Variants in SLC6A7 observed in about 807,000 individuals in gnomAD.
SLC6A7 encodes sodium-dependent proline transporter.
SLC6A7 carries 58 observed loss-of-function variants against 73.1 expected under a neutral mutation model. That is an observed-to-expected ratio of 0.79 (90% CI 0.64 to 0.99). The LOEUF (loss-of-function observed/expected upper bound fraction) is 0.99, where lower values mean the gene tolerates loss of function less well. SLC6A7 is among the 50% of genes least tolerant of loss of function. SLC6A7 has a pLI of 0.00. For missense variants in SLC6A7, 783 were observed against 831.4 expected (o/e 0.94, Z 0.72); for synonymous variants, 338 against 338.7 (o/e 1.00, Z 0.02).
In SLC6A7 at chr5:150,199,212, C is replaced by T. The variant is rs11745084; in HGVS notation, c.585-16C>T. 1.9e-6 allele frequency: 3 copies of T among 1,577,626 alleles called. No homozygotes were observed. The South Asian group carries it at 3.5e-5, about 18-fold the overall frequency. On this transcript the variant is annotated splice_polypyrimidine_tract_variant and intron_variant, in intron 4 of 13. Coordinates refer to ENST00000230671, the MANE Select transcript of SLC6A7 (RefSeq NM_014228.5). ...GTGGGGTGACCAGGGGACACTGAGACCTTTGTCTCCCACAGCCGCTACGTC... is the reference window on the plus strand; with the variant it reads ...GTGGGGTGACCAGGGGACACTGAGATCTTTGTCTCCCACAGCCGCTACGTC...
chr5:150,204,836 G>T lies in SLC6A7; in HGVS notation c.1442G>T (p.Arg481Met). 2 of 1,611,920 alleles carry T rather than the reference G, an allele frequency of 1.2e-6. No individual in the cohort carries two copies. Among genetic ancestry groups the T allele is most frequent in the Non-Finnish European group, 1.7e-6 (2 of 1,178,162 alleles). The change falls in exon 12 of 14, where the codon AGG (arginine) becomes ATG (methionine). Residue 481 changes from arginine to methionine, a missense_variant. By Grantham distance (91) the Arg-to-Met change is moderately conservative. Coordinates refer to ENST00000230671, the MANE Select transcript of SLC6A7 (RefSeq NM_014228.5). ...LAVTRVYGIQ[R>M]FCRDIHMMLG... Reference sequence around the variant, plus strand: ...CCCCTCCCCTGTGCAGGCATTCAGAGGTTCTGCCGAGACATCCACATGATG... The same window carrying T: ...CCCCTCCCCTGTGCAGGCATTCAGATGTTCTGCCGAGACATCCACATGATG...
At chr5:150,191,573 G>T (rs1014425696) in intron 1 of SLC6A7, among the ~76,000 whole-genome samples, 3 of 152,018 alleles carry the variant, frequency 2.0e-5, no homozygotes, top group African/African-American at 7.2e-5. Flanking sequence ...TGGGACTATA[G>T]GCGCCCGCCA....
chr5:150,200,578 T>C (rs948813493), intron 5 of SLC6A7, among the ~76,000 whole-genome samples: 4 of 152,158 alleles, frequency 2.6e-5, no homozygotes, highest in African/African-American at 9.7e-5. Flanking sequence ...CTCTGCAAGG[T>C]GCAGACGATA....
intron 1 of SLC6A7, among the ~76,000 whole-genome samples, chr5:150,192,637 C>T (rs1486030421): frequency 3.3e-5 from 5 of 152,214 alleles, no homozygotes; most frequent in Non-Finnish European, 5.9e-5. Context: ...AGGACCCTAT[C>T]TCCTGCCCCT....
At position 150,205,680 on chromosome 5, in the gene SLC6A7, G is replaced by A; in HGVS notation, c.1701+57G>A. On this transcript the variant is annotated intron_variant, in intron 13 of 13. Coordinates refer to ENST00000230671, the MANE Select transcript of SLC6A7 (RefSeq NM_014228.5). ...TTCCTGACCTGTGGCCTGACCCTAG[G>A]TCCCCCTGCTAGAACAGAAAACATA... The A allele has an allele frequency of 2.7e-6, 4 of 1,468,916 alleles. No individual in the cohort carries two copies. The South Asian group carries it at 3.8e-5, about 14-fold the overall frequency. The allele number at this position is 1,468,916 out of a possible 1,614,324, so 91.0% of individuals were successfully genotyped here.
Position 150,190,191 on chromosome 5 carries a change from C to A in SLC6A7, c.-137C>A. 1.6e-6 allele frequency: 1 copy of A among 641,544 alleles called. No individual in the cohort carries two copies. The highest frequency in any genetic ancestry group is 2.5e-6 in the Non-Finnish European group (1 of 403,990). The allele number at this position is 641,544 out of a possible 1,614,324, so 39.7% of individuals were successfully genotyped here. A position where few individuals can be genotyped will look rare whatever the true frequency, so the allele number is the denominator to read the frequency against. On this transcript the variant is annotated 5_prime_UTR_variant, in exon 1 of 14. Coordinates refer to ENST00000230671, the MANE Select transcript of SLC6A7 (RefSeq NM_014228.5). Reference sequence around the variant, plus strand: ...CTCCACGCCCGCAGCCGCCAGACGGCAGCGCCTGCGTCCGTGCCCGCCCCA... The same window carrying A: ...CTCCACGCCCGCAGCCGCCAGACGGAAGCGCCTGCGTCCGTGCCCGCCCCA...
At chr5:150,192,247 C>T (rs1752822864) in intron 1 of SLC6A7, among the ~76,000 whole-genome samples, 1 of 152,118 alleles carries the variant, frequency 6.6e-6, no homozygotes, top group South Asian at 2.1e-4. Flanking sequence ...CTTCCTGAAA[C>T]TTGGTTTCCT....
At chr5:150,198,969 A>G (rs552339134) in intron 4 of SLC6A7, among the ~76,000 whole-genome samples, 1 of 152,012 alleles carries the variant, frequency 6.6e-6, no homozygotes, top group South Asian at 2.1e-4. Flanking sequence ...GCTGAAGAGG[A>G]AGGAAGAAGA....
chr5:150,192,825 G>T (rs3776086), intron 1 of SLC6A7, among the ~76,000 whole-genome samples: 3,989 of 152,310 alleles, frequency 0.026, 85 homozygotes, highest in East Asian at 0.12. Flanking sequence ...CTGCTAACTG[G>T]CCTGAATGGT....
At position 150,209,732 on chromosome 5, in the gene SLC6A7, A is replaced by T; in HGVS notation, c.*117A>T. 1 of 838,064 alleles carries T rather than the reference A, an allele frequency of 1.2e-6. No homozygotes were observed. The highest frequency in any genetic ancestry group is 1.9e-6 in the Non-Finnish European group (1 of 517,708). 51.9% of individuals were successfully genotyped at this position (838,064 alleles called of 1,614,324 possible). A position where few individuals can be genotyped will look rare whatever the true frequency, so the allele number is the denominator to read the frequency against. On this transcript the variant is annotated 3_prime_UTR_variant, in exon 14 of 14. Transcript: ENST00000230671. ...GAGAGGCTATGGGGGGGCCTGCCATAGGGATGCCAGTCCCCCAGTGGGGGT... is the reference window on the plus strand; with the variant it reads ...GAGAGGCTATGGGGGGGCCTGCCATTGGGATGCCAGTCCCCCAGTGGGGGT...
At chr5:150,202,489 G>A (rs1231086412) in intron 7 of SLC6A7, 39 bp downstream of exon 7, 3 of 1,610,178 alleles carry the variant, frequency 1.9e-6, no homozygotes, top group Non-Finnish European at 2.5e-6. Context: ...GGGGTCCAAA[G>A]CAGGGAGGAG....
At chr5:150,199,188 T>C (rs199836993) in intron 4 of SLC6A7, 40 bp from the exon 5 acceptor site, 1 of 1,539,856 alleles carries the variant, frequency 6.5e-7, no homozygotes, top group Non-Finnish European at 8.8e-7. Context: ...TGGAGCCTGG[T>C]GGGGTGACCA....
chr5:150,205,402 CTTAAG>C, intron 12 of SLC6A7, 49 bp from the exon 13 acceptor site: 1 of 1,349,692 alleles, frequency 7.4e-7, no homozygotes, highest in Middle Eastern at 1.9e-4. Flanking sequence ...TACCTCGGGC[CTTAAG>C]CAGTTTAGAC....
At chr5:150,205,754 G>A in intron 13 of SLC6A7, 131 bp downstream of exon 13, 1 of 777,650 alleles carries the variant, frequency 1.3e-6, no homozygotes, top group Admixed American at 2.8e-5. Context: ...GACTTGCCTG[G>A]GCTGAGGCAG....
At position 150,203,986 on chromosome 5, in the gene SLC6A7, C is replaced by T. The variant is rs199939134; in HGVS notation, c.1280C>T (p.Ser427Leu). The change falls in exon 10 of 14, where the codon TCA (serine) becomes TTA (leucine). Residue 427 changes from serine to leucine, a missense_variant. Ser to Leu is a moderately radical substitution (Grantham distance 145). Transcript: ENST00000230671. ...YYLRPKKAVF[S>L]GLICVAMYLM... is the part of the protein sequence containing the mutation. ...CTGCGGCCCAAGAAGGCGGTGTTCT[C>T]AGGGCTCATCTGCGTGGCCATGTAC... The T allele has an allele frequency of 1.9e-6, 3 of 1,613,846 alleles. No individual in the cohort carries two copies. The highest frequency in any genetic ancestry group is 2.5e-6 in the Non-Finnish European group (3 of 1,179,892).
chr5:150,193,329 C>T (rs544367102), intron 1 of SLC6A7, among the ~76,000 whole-genome samples: 2 of 152,316 alleles, frequency 1.3e-5, no homozygotes, highest in Admixed American at 6.5e-5. Flanking sequence ...AGCTGGCCTC[C>T]GCTCCCCTCT....
At chr5:150,207,885 C>T (rs952333738) in intron 13 of SLC6A7, among the ~76,000 whole-genome samples, 14 of 151,584 alleles carry the variant, frequency 9.2e-5, no homozygotes, top group Non-Finnish European at 1.5e-5. Context: ...GTGATTTTGC[C>T]CTTGGGGGAC....
intron 4 of SLC6A7, among the ~76,000 whole-genome samples, chr5:150,198,117 G>GAAAGAAAGAAAGAA (rs1753167372): frequency 5.2e-5 from 3 of 57,562 alleles, no homozygotes; most frequent in Admixed American, 3.4e-4. Context: ...GAAAGAAAGA[G>GAAAGAAAGAAAGAA]AAAGAAAGAA....
chr5:150,192,397 C>A (rs1752828182), intron 1 of SLC6A7, among the ~76,000 whole-genome samples: 1 of 152,228 alleles, frequency 6.6e-6, no homozygotes, highest in African/African-American at 2.4e-5. Flanking sequence ...ACAAACTCAG[C>A]TGTGTGTTCC....
Sources: allele counts gnomAD v4.1 joint callset (sites outside exome capture counted in the v4.1 genomes callset), GRCh38; gene constraint gnomAD v4.1.1; transcripts MANE v1.5; gene names NCBI Gene and HGNC (gene_info 2026-07-23, HGNC 2026-07-21).